CNGB3: variants seen among roughly 807,000 people sequenced by gnomAD.
CNGB3 encodes the protein cyclic nucleotide gated channel subunit beta 3, also known as cyclic nucleotide-gated channel beta-3.
A neutral mutation model predicts 92.8 loss-of-function variants in CNGB3; 86 were observed. The ratio of observed to expected loss-of-function variants is 0.93; its 90% CI spans 0.78 to 1.11. The LOEUF is 1.11. CNGB3 is among the 50% of genes least tolerant of loss of function. CNGB3 has a pLI of 0.00. For missense variants in CNGB3, 1,026 were observed against 956.8 expected, an observed-to-expected ratio of 1.07 and a Z score of -0.95; for synonymous variants, 333 against 332.7, an observed-to-expected ratio of 1.00 and a Z score of -0.01.
At chr8:86,611,489 C>T in intron 14 of CNGB3, 99 bp downstream of exon 14, 2 of 880,040 alleles carry the variant, frequency 2.3e-6, no homozygotes, top group Admixed American at 1.8e-5. Flanking sequence ...CTATGGAATT[C>T]ACCCTGAACA....
chr8:86,658,984 G>T, intron 6 of CNGB3: 2 of 1,080,072 alleles, frequency 1.9e-6, no homozygotes, highest in South Asian at 1.3e-5. Flanking sequence ...TGGGCTTGGA[G>T]CTGTCCTGCC....
intron 15 of CNGB3, among the ~76,000 whole-genome samples, chr8:86,586,155 C>G (rs4320567): frequency 1.3e-5 from 2 of 152,010 alleles, no homozygotes; most frequent in Non-Finnish European, 2.9e-5. Flanking sequence ...ATAGAAATAG[C>G]ATACTCTACA....
At chr8:86,634,467 A>C (rs1823025447) in intron 10 of CNGB3, among the ~76,000 whole-genome samples, 1 of 152,166 alleles carries the variant, frequency 6.6e-6, no homozygotes, top group Non-Finnish European at 1.5e-5. Flanking sequence ...CAGAAGTCAA[A>C]GACATCTGTA....
chr8:86,624,343 C>A (rs1436179307), intron 13 of CNGB3, among the ~76,000 whole-genome samples: 4 of 152,112 alleles, frequency 2.6e-5, no homozygotes, highest in Non-Finnish European at 5.9e-5. Flanking sequence ...CACTTGAACC[C>A]GGGAGGCAGA....
chr8:86,622,211 G>A (rs1822750270), intron 13 of CNGB3, among the ~76,000 whole-genome samples: 1 of 152,108 alleles, frequency 6.6e-6, no homozygotes, highest in Non-Finnish European at 1.5e-5. Context: ...TAGAAATGGA[G>A]TTTACAGTTG....
At chr8:86,738,252 G>C (rs1350357745) in intron 2 of CNGB3, among the ~76,000 whole-genome samples, 2 of 152,104 alleles carry the variant, frequency 1.3e-5, no homozygotes, top group Non-Finnish European at 2.9e-5. Flanking sequence ...AAGTAGGAGA[G>C]AAGGTCTAGA....
intron 3 of CNGB3, among the ~76,000 whole-genome samples, chr8:86,718,159 C>T (rs1368353158): frequency 6.6e-6 from 1 of 151,586 alleles, no homozygotes; most frequent in Admixed American, 6.6e-5. Flanking sequence ...AAGAAATAAC[C>T]AAGATCAGAG....
At chr8:86,707,120 G>A (rs1406740852) in intron 3 of CNGB3, among the ~76,000 whole-genome samples, 1 of 152,094 alleles carries the variant, frequency 6.6e-6, no homozygotes, top group East Asian at 1.9e-4. Flanking sequence ...TCCTTCCAAA[G>A]CTAAAAGGCT....
At position 86,645,718 on chromosome 8, in the gene CNGB3, T is replaced by C. The variant is rs959364544; in HGVS notation, c.991-1032A>G. ...ATTTGTTTTTTCCAGAGTTCCTAAG[T>C]AGGAAAAAACTTCTTAAACACTCAG... is the stretch of plus-strand genomic sequence containing the variant. On this transcript the variant is annotated intron_variant, in intron 8 of 17. Transcript: ENST00000320005. Among the ~76,000 whole-genome samples the C allele has an allele frequency of 4.6e-5, 7 of 151,366 alleles. No individual in the cohort carries two copies. The East Asian group carries it at 1.4e-3, about 29-fold the overall frequency.
rs147012348 is a variant in CNGB3, at chr8:86,684,706, G to T, written c.339-13608C>A. ...TCTTGATGCACACACAATTTAGAAA[G>T]ATCTCTGGAGAATTATATTGATTAA... On this transcript the variant is annotated intron_variant, in intron 3 of 17. Transcript: ENST00000320005. Among the ~76,000 whole-genome samples, 125 of 147,524 alleles carry T rather than the reference G, an allele frequency of 8.5e-4. 1 individual carries two copies. The highest frequency in any genetic ancestry group is 3.1e-3 in the African/African-American group (123 of 40,120).
rs767430685 is a variant in CNGB3, at chr8:86,578,836, G to A, written c.1956C>T (p.Thr652=). The A allele has an allele frequency of 2.0e-5, 32 of 1,614,076 alleles. No individual in the cohort carries two copies. The highest frequency in any genetic ancestry group is 1.1e-4 in the South Asian group (10 of 91,080). Residue 652 remains threonine (T), a synonymous_variant, in exon 17 of 18, where the codon ACC becomes ACT. Coordinates refer to ENST00000320005, the MANE Select transcript of CNGB3 (RefSeq NM_019098.5). ...ARVLLKQKAK[T]AEATPPRKDL... is the part of the protein sequence containing the mutation. Reference sequence around the variant, plus strand: ...CTTTTCTTGGAGGGGTTGCTTCTGCGGTCTTAGCCTTCTGCTTTAAAAGCA... The same window carrying A: ...CTTTTCTTGGAGGGGTTGCTTCTGCAGTCTTAGCCTTCTGCTTTAAAAGCA...
chr8:86,728,682 C>T (rs1443558587), intron 2 of CNGB3, among the ~76,000 whole-genome samples: 1 of 152,096 alleles, frequency 6.6e-6, no homozygotes, highest in Non-Finnish European at 1.5e-5. Context: ...GTTGTATATA[C>T]CTTTTATTAC....
intron 15 of CNGB3, among the ~76,000 whole-genome samples, chr8:86,596,729 A>G (rs1208884351): frequency 6.6e-6 from 1 of 152,230 alleles, no homozygotes; most frequent in Non-Finnish European, 1.5e-5. Context: ...ATGCACACGT[A>G]TATTTATCGC....
At chr8:86,647,728 C>A (rs1585990926) in intron 8 of CNGB3, 73 bp downstream of exon 8, 1 of 878,128 alleles carries the variant, frequency 1.1e-6, no homozygotes. Context: ...TAAATTGTTT[C>A]AAGATTTCCA....
chr8:86,649,598 G>A (rs191358867), intron 7 of CNGB3, among the ~76,000 whole-genome samples: 2 of 151,572 alleles, frequency 1.3e-5, no homozygotes, highest in East Asian at 1.9e-4. Context: ...CAAGCCACAC[G>A]TGGAAGAGTG....
chr8:86,616,809 C>G (rs1224240352), intron 13 of CNGB3, among the ~76,000 whole-genome samples: 1 of 152,156 alleles, frequency 6.6e-6, no homozygotes, highest in African/African-American at 2.4e-5. Context: ...GAACTGGAGT[C>G]CCAGGAAGCC....
At chr8:86,615,169 C>T (rs1427485827) in intron 13 of CNGB3, among the ~76,000 whole-genome samples, 1 of 152,066 alleles carries the variant, frequency 6.6e-6, no homozygotes, top group Non-Finnish European at 1.5e-5. Context: ...CTCAGGGGTC[C>T]TGGAACCAAT....
At chr8:86,609,633 C>T (rs994814066) in intron 14 of CNGB3, among the ~76,000 whole-genome samples, 19 of 152,134 alleles carry the variant, frequency 1.2e-4, no homozygotes, top group African/African-American at 4.6e-4. Context: ...CCCAGTAAAC[C>T]CCAGTTCCAT....
intron 2 of CNGB3, among the ~76,000 whole-genome samples, chr8:86,730,021 G>A (rs575778670): frequency 6.6e-6 from 1 of 152,294 alleles, no homozygotes; most frequent in East Asian, 1.9e-4. Flanking sequence ...GTGAAATCTG[G>A]AATCAAAGTA....
Sources: gnomAD v4.1 joint callset for allele counts (sites outside exome capture counted in the v4.1 genomes callset) on GRCh38, gnomAD v4.1.1 for gene constraint, MANE v1.5 for transcripts, NCBI Gene and HGNC (gene_info 2026-07-23, HGNC 2026-07-21) for gene names.